AKR7A3: variants seen among roughly 807,000 people sequenced by gnomAD.
AKR7A3 encodes the protein aldo-keto reductase family 7 member A3, also known as AFB1 aldehyde reductase 2.
AKR7A3 carries 37 observed loss-of-function variants against 32.5 expected under a neutral mutation model. The observed-to-expected ratio is 1.14, with a 90% CI of 0.88 to 1.50. The LOEUF is 1.50. Ranked by LOEUF, AKR7A3 falls within the 40% of genes most tolerant of loss-of-function variation. The pLI is 0.00. For missense variants in AKR7A3, 412 were observed against 453.2 expected (o/e 0.91, Z 0.83); for synonymous variants, 177 against 188.4 (o/e 0.94, Z 0.50).
chr1:19,284,244 C>T, intron 5 of AKR7A3, 119 bp from the exon 6 acceptor site: 6 of 1,391,352 alleles, frequency 4.3e-6, no homozygotes, highest in Non-Finnish European at 5.8e-6. Flanking sequence ...GGTGTTCTCT[C>T]TAGCCATGGG....
At chr1:19,275,715 G>A in the AKR7A3 span, among the ~76,000 whole-genome samples, 1 of 151,714 alleles carries the variant, frequency 6.6e-6, no homozygotes, top group Admixed American at 6.6e-5. Flanking sequence ...TGAGGTGGGA[G>A]GATCACCTGA....
At chr1:19,288,228 C>A (rs2093734323) in intron 1 of AKR7A3, among the ~76,000 whole-genome samples, 2 of 152,152 alleles carry the variant, frequency 1.3e-5, no homozygotes, top group African/African-American at 4.8e-5. Context: ...CAGGCAAGAC[C>A]AAGTCATCCA....
At chr1:19,278,998 C>T (rs1380030946), downstream of AKR7A3, among the ~76,000 whole-genome samples, 2 of 151,814 alleles carry the variant, frequency 1.3e-5, no homozygotes, top group Non-Finnish European at 2.9e-5. Context: ...GCTCTGTCAC[C>T]CAGGCTGCAG....
Position 19,282,900 on chromosome 1 carries a change from G to A in AKR7A3, c.835-8C>T, listed in dbSNP as rs745634081. 47 of 1,609,424 alleles carry A rather than the reference G, an allele frequency of 2.9e-5. No homozygotes were observed. Among genetic ancestry groups the A allele is most frequent in the Non-Finnish European group, 3.9e-5 (46 of 1,177,094 alleles). On this transcript the variant is annotated splice_polypyrimidine_tract_variant and splice_region_variant and intron_variant, in intron 6 of 6. Transcript: ENST00000361640. ...CGCGTCCCCGTGGGCACCCTGCAAGGGAGACGGCCAGACTTCAACCCTCTT... is the reference window on the plus strand; with the variant it reads ...CGCGTCCCCGTGGGCACCCTGCAAGAGAGACGGCCAGACTTCAACCCTCTT...
the AKR7A3 span, among the ~76,000 whole-genome samples, chr1:19,276,930 A>G: frequency 6.6e-6 from 1 of 151,718 alleles, no homozygotes; most frequent in East Asian, 1.9e-4. Context: ...CCTGGCCAAC[A>G]TGGTGAAACC....
downstream of AKR7A3, among the ~76,000 whole-genome samples, chr1:19,281,446 G>A (rs1299527105): frequency 6.6e-6 from 1 of 151,644 alleles, no homozygotes; most frequent in Non-Finnish European, 1.5e-5. Flanking sequence ...AGACCAGCCT[G>A]GACAACATGG....
intron 4 of AKR7A3, 97 bp downstream of exon 4, chr1:19,284,921 G>A (rs1300077916): frequency 6.3e-7 from 1 of 1,585,518 alleles, no homozygotes; most frequent in African/African-American, 1.4e-5. Context: ...GACCTCAGAG[G>A]TCAAAGTTTG....
At chr1:19,281,974 CA>C (rs1479591759), downstream of AKR7A3, among the ~76,000 whole-genome samples, 1 of 151,944 alleles carries the variant, frequency 6.6e-6, no homozygotes, top group Non-Finnish European at 1.5e-5. Context: ...TTTGATTATA[CA>C]GGTTCATAGG....
rs1274810633 is a variant in AKR7A3, at chr1:19,284,079, C to T, written c.751G>A (p.Ala251Thr). Residue 251 changes from alanine to threonine, a missense_variant, in exon 6 of 7, where the codon GCC (alanine) becomes ACC (threonine). Physicochemically the swap from Ala to Thr is moderately conservative, Grantham distance 58 (BLOSUM62 0). Coordinates refer to ENST00000361640, the MANE Select transcript of AKR7A3 (RefSeq NM_012067.3). ...CTGGCGCCATACGCGGCCTGCAGGG[C>T]CTTCTCCACCAGGGCAATGCCCTCA... ...HFEGIALVEK[A>T]LQAAYGASAP... 2.5e-6 allele frequency: 4 copies of T among 1,613,670 alleles called. No individual in the cohort carries two copies. Among genetic ancestry groups the T allele is most frequent in the East Asian group, 4.5e-5 (2 of 44,876 alleles).
chr1:19,274,897 T>TAAAAAAAAAAAAAAAAA, the AKR7A3 span, among the ~76,000 whole-genome samples: 6 of 6,154 alleles, frequency 9.7e-4, no homozygotes, highest in East Asian at 3.8e-3. Flanking sequence ...TGTCTCTAAA[T>TAAAAAAAAAAAAAAAAA]ACAAAAAAAA....
At position 19,286,049 on chromosome 1, in the gene AKR7A3, C is replaced by T. The variant is rs565611559; in HGVS notation, c.403-57G>A. 342 of 1,605,808 alleles carry T rather than the reference C, an allele frequency of 2.1e-4. 2 individuals carry two copies. The highest frequency in any genetic ancestry group is 1.0e-3 in the East Asian group (45 of 44,488). On this transcript the variant is annotated intron_variant, in intron 2 of 6. Transcript: ENST00000361640. ...TGCAGCCCAGACCAGGAAAGGGAGGCCAGGGTGGGGCCCCTGGGAGTTGGG... is the reference window on the plus strand; with the variant it reads ...TGCAGCCCAGACCAGGAAAGGGAGGTCAGGGTGGGGCCCCTGGGAGTTGGG...
the AKR7A3 span, among the ~76,000 whole-genome samples, chr1:19,275,506 T>G: frequency 1.3e-5 from 2 of 151,146 alleles, no homozygotes; most frequent in African/African-American, 4.9e-5. Flanking sequence ...ACAAAGTAGG[T>G]TTCAAAACAA....
In AKR7A3 at chr1:19,282,632, C is replaced by T. The variant is rs2093720674; in HGVS notation, c.*99G>A. On this transcript the variant is annotated 3_prime_UTR_variant, in exon 7 of 7. Transcript: ENST00000361640. ...CTATTAGGTTTTTGTCCAAATACTT[C>T]CATCCCTAAGAATTTACTGAGGCAG... 1 of 1,572,630 alleles carries T rather than the reference C, an allele frequency of 6.4e-7. No individual in the cohort carries two copies.
downstream of AKR7A3, among the ~76,000 whole-genome samples, chr1:19,280,448 C>T (rs1176793997): frequency 6.6e-6 from 1 of 151,840 alleles, no homozygotes; most frequent in African/African-American, 2.4e-5. Context: ...TTAGCCTATA[C>T]ATTTAGGTCT....
intron 4 of AKR7A3, 65 bp downstream of exon 4, chr1:19,284,953 G>C (rs2093726629): frequency 1.2e-6 from 2 of 1,607,452 alleles, no homozygotes; most frequent in Non-Finnish European, 1.7e-6. Flanking sequence ...TTGCTTCCCA[G>C]GTCCTGGGCT....
downstream of AKR7A3, among the ~76,000 whole-genome samples, chr1:19,279,247 C>T (rs1384556144): frequency 1.3e-5 from 2 of 151,946 alleles, no homozygotes; most frequent in Admixed American, 6.5e-5. Context: ...CAGGCGTGAG[C>T]TACTTTTTTA....
chr1:19,284,914 C>T, intron 4 of AKR7A3, 104 bp downstream of exon 4: 1 of 1,582,030 alleles, frequency 6.3e-7, no homozygotes, highest in East Asian at 2.2e-5. Flanking sequence ...CGTCTTTGAC[C>T]TCAGAGGTCA....
At chr1:19,283,646 A>G (rs972342781) in intron 6 of AKR7A3, among the ~76,000 whole-genome samples, 3 of 151,976 alleles carry the variant, frequency 2.0e-5, no homozygotes, top group Non-Finnish European at 2.9e-5. Flanking sequence ...CCTGGGCAAC[A>G]TGGTGAAACC....
chr1:19,282,855 C>A lies in AKR7A3; in HGVS notation c.872G>T (p.Ser291Ile). 6.2e-7 allele frequency: 1 copy of A among 1,613,094 alleles called. No homozygotes were observed. Among genetic ancestry groups the A allele is most frequent in the Non-Finnish European group, 8.5e-7 (1 of 1,179,914 alleles). The change falls in exon 7 of 7, where the codon AGC becomes ATC. Residue 291 changes from serine to isoleucine, a missense_variant. Ser to Ile is a moderately radical substitution (Grantham distance 142). Transcript: ENST00000361640. ...CAAGTTCTGCTCCAGCTGCTCCAGG[C>A]TGGACATGCCCAGGATGACCGCGTC... ...HGDAVILGMSSLEQLEQNLAA... is the reference protein window; with the variant it reads ...HGDAVILGMSILEQLEQNLAA...
Sources: gnomAD v4.1 joint callset for allele counts (sites outside exome capture counted in the v4.1 genomes callset) on GRCh38, gnomAD v4.1.1 for gene constraint, MANE v1.5 for transcripts, NCBI Gene and HGNC (gene_info 2026-07-23, HGNC 2026-07-21) for gene names.